Variants in FRMD6 observed in about 807,000 individuals in gnomAD.
FRMD6 encodes the protein FERM domain containing 6, also known as FERM domain-containing protein 6.
A neutral mutation model predicts 73.2 loss-of-function variants in FRMD6; 37 were observed. The ratio of observed to expected loss-of-function variants is 0.51; its 90% CI spans 0.39 to 0.66. The LOEUF (loss-of-function observed/expected upper bound fraction) is 0.66. FRMD6 is among the 30% of genes least tolerant of loss of function. The pLI is 0.00. For synonymous variants in FRMD6, 273 were observed against 282.2 expected (o/e 0.97, Z 0.33); for missense variants, 714 against 780.5 (o/e 0.91, Z 1.02).
chr14:51,618,508 C>G (rs188744074), intron 2 of FRMD6, among the ~76,000 whole-genome samples: 4 of 152,236 alleles, frequency 2.6e-5, no homozygotes, highest in Admixed American at 2.6e-4. Context: ...ATGAGTGGTC[C>G]AGCAAAGAAA....
At chr14:51,534,989 A>C (rs1325445952) in intron 1 of FRMD6, among the ~76,000 whole-genome samples, 1 of 152,228 alleles carries the variant, frequency 6.6e-6, no homozygotes, top group Non-Finnish European at 1.5e-5. Flanking sequence ...TTTCAGGGAA[A>C]GGGAAGAGCA....
intron 1 of FRMD6, among the ~76,000 whole-genome samples, chr14:51,532,711 C>G (rs1326078967): frequency 1.3e-5 from 2 of 152,218 alleles, no homozygotes; most frequent in African/African-American, 4.8e-5. Context: ...CCTACATTGA[C>G]TGAAACTCTT....
At chr14:51,692,922 A>G (rs1422174474) in intron 2 of FRMD6, 1 of 152,166 alleles carries the variant, frequency 6.6e-6, no homozygotes, top group East Asian at 1.9e-4. Flanking sequence ...AATTTGAGCG[A>G]AACAGGCAAA....
intron 1 of FRMD6, among the ~76,000 whole-genome samples, chr14:51,508,091 C>T (rs1485006368): frequency 2.6e-5 from 4 of 152,204 alleles, no homozygotes; most frequent in Non-Finnish European, 5.9e-5. Context: ...CCTCTTCAGC[C>T]CCTCAGTCCT....
Position 51,727,891 on chromosome 14 carries a change from G to A in FRMD6, c.1731G>A (p.Leu577=). The change falls in exon 14 of 14, where the codon CTG becomes CTA. Residue 577 remains leucine (L), a synonymous_variant. Transcript: ENST00000344768. The part of the protein sequence containing the change: ...QSYTFGCGHE[L]DEEGLYCNSC... The stretch of plus-strand genomic sequence containing the variant: ...ACACCTTTGGATGTGGCCATGAACT[G>A]GATGAGGAAGGCCTCTATTGCAACA... 5 of 1,614,196 alleles carry A rather than the reference G, an allele frequency of 3.1e-6. No individual in the cohort carries two copies. Among genetic ancestry groups the A allele is most frequent in the Non-Finnish European group, 3.4e-6 (4 of 1,180,024 alleles).
chr14:51,646,633 T>C (rs17590263), intron 2 of FRMD6, among the ~76,000 whole-genome samples: 1,692 of 137,160 alleles, frequency 0.012, 12 homozygotes, highest in Non-Finnish European at 0.018. Flanking sequence ...TTAAGACCCA[T>C]TGTATATCAC....
intron 1 of FRMD6, among the ~76,000 whole-genome samples, chr14:51,681,484 G>A (rs1050119184): frequency 1.3e-5 from 2 of 152,142 alleles, no homozygotes; most frequent in Non-Finnish European, 2.9e-5. Context: ...CAATTCAAAG[G>A]TGAGCAAAAT....
intron 2 of FRMD6, among the ~76,000 whole-genome samples, chr14:51,690,973 A>G (rs570651253): frequency 6.6e-6 from 1 of 152,184 alleles, no homozygotes; most frequent in East Asian, 1.9e-4. Context: ...ACTGTTTGAG[A>G]TATAAAACAT....
At chr14:51,501,368 C>A (rs112897012) in intron 1 of FRMD6, among the ~76,000 whole-genome samples, 2 of 152,158 alleles carry the variant, frequency 1.3e-5, no homozygotes, top group African/African-American at 2.4e-5. Context: ...TCTCCCTCCC[C>A]CAACCAACCC....
rs980719601 is a variant in FRMD6 at position 51,653,547 on chromosome 14, T to G, written c.-147+1551T>G. Among the ~76,000 whole-genome samples the G allele has an allele frequency of 5.9e-5, 9 of 152,034 alleles. No homozygotes were observed. The East Asian group carries it at 7.8e-4, about 13-fold the overall frequency. ...TTCAGCAGTGTTAAAGGATGAGAAATTTTTTTTTAGAATTTAGAGCATTAT... is the reference window on the plus strand; with the variant it reads ...TTCAGCAGTGTTAAAGGATGAGAAAGTTTTTTTTAGAATTTAGAGCATTAT... On this transcript the variant is annotated intron_variant, in intron 1 of 13. Transcript: ENST00000344768.
At chr14:51,624,649 G>C (rs752899102) in intron 2 of FRMD6, among the ~76,000 whole-genome samples, 3 of 152,080 alleles carry the variant, frequency 2.0e-5, no homozygotes, top group East Asian at 3.9e-4. Context: ...CCTCTGTAAG[G>C]CTCTGCTTAG....
chr14:51,495,656 C>T (rs1386528278), intron 1 of FRMD6, among the ~76,000 whole-genome samples: 2 of 152,178 alleles, frequency 1.3e-5, no homozygotes, highest in African/African-American at 4.8e-5. Flanking sequence ...TATCACTGAG[C>T]CTTCTAACTG....
chr14:51,527,339 G>T (rs897044682), intron 1 of FRMD6, among the ~76,000 whole-genome samples: 11 of 152,212 alleles, frequency 7.2e-5, no homozygotes, highest in African/African-American at 2.4e-4. Context: ...ACAACATCCA[G>T]ACTGGTCCTT....
chr14:51,536,427 A>T (rs576528507), intron 1 of FRMD6, among the ~76,000 whole-genome samples: 32 of 149,946 alleles, frequency 2.1e-4, no homozygotes, highest in South Asian at 8.5e-4. Flanking sequence ...TATTTATTTT[A>T]TTTTTTTTAG....
At chr14:51,659,456 C>T (rs1024297929) in intron 1 of FRMD6, among the ~76,000 whole-genome samples, 5 of 152,202 alleles carry the variant, frequency 3.3e-5, no homozygotes, top group Non-Finnish European at 5.9e-5. Context: ...TGGCATTAAG[C>T]AGGCAACAAA....
Position 51,728,104 on chromosome 14 carries a change from T to C in FRMD6, c.*75T>C, listed in dbSNP as rs1250866670. The C allele has an allele frequency of 7.4e-7, 1 of 1,356,582 alleles. No individual in the cohort carries two copies. The highest frequency in any genetic ancestry group is 1.0e-6 in the Non-Finnish European group (1 of 989,430). The allele number at this position is 1,356,582 out of a possible 1,614,324, so 84.0% of individuals were successfully genotyped here. A position where few individuals can be genotyped will look rare whatever the true frequency, so the allele number is the denominator to read the frequency against. ...GCGAAAGTCATAAGTTCTTTACATA[T>C]TACTTGTGCCATATCTTCTTCACCC... On this transcript the variant is annotated 3_prime_UTR_variant, in exon 14 of 14. Coordinates refer to ENST00000344768, the MANE Select transcript of FRMD6 (RefSeq NM_001267046.2).
intron 2 of FRMD6, among the ~76,000 whole-genome samples, chr14:51,600,124 T>G (rs548048216): frequency 6.6e-6 from 1 of 151,958 alleles, no homozygotes; most frequent in Non-Finnish European, 1.5e-5. Flanking sequence ...GCACTCTCAC[T>G]TTTTCTCCAA....
the FRMD6 span, among the ~76,000 whole-genome samples, chr14:51,452,356 G>A: frequency 6.6e-6 from 1 of 152,184 alleles, no homozygotes; most frequent in African/African-American, 2.4e-5. Flanking sequence ...AAGATTGAGA[G>A]TCCCACATCC....
At chr14:51,614,670 C>T (rs973845831) in intron 2 of FRMD6, among the ~76,000 whole-genome samples, 5 of 152,180 alleles carry the variant, frequency 3.3e-5, no homozygotes, top group African/African-American at 1.2e-4. Flanking sequence ...TTTAAAGCAG[C>T]ACCCTCTTAA....
Sources: gnomAD v4.1 joint callset for allele counts (sites outside exome capture counted in the v4.1 genomes callset) on GRCh38, gnomAD v4.1.1 for gene constraint, MANE v1.5 for transcripts, NCBI Gene and HGNC (gene_info 2026-07-23, HGNC 2026-07-21) for gene names.